TTBK2: variants seen among roughly 807,000 people sequenced by gnomAD.
TTBK2 encodes tau-tubulin kinase 2.
TTBK2 carries 28 observed loss-of-function variants against 110.8 expected under a neutral mutation model. The ratio of observed to expected loss-of-function variants is 0.25; its 90% CI spans 0.19 to 0.35. The LOEUF (loss-of-function observed/expected upper bound fraction) is 0.35, where lower values mean the gene tolerates loss of function less well. Ranked by LOEUF, TTBK2 falls within the 10% of genes least tolerant of loss-of-function variation. The pLI is 1.00. For synonymous variants in TTBK2, 532 were observed against 527.3 expected, an observed-to-expected ratio of 1.01 and a Z score of -0.12; for missense variants, 1,369 against 1,500.3, an observed-to-expected ratio of 0.91 and a Z score of 1.45.
intron 4 of TTBK2, among the ~76,000 whole-genome samples, chr15:42,830,788 G>A (rs1231513234): frequency 6.6e-6 from 1 of 152,008 alleles, no homozygotes; most frequent in South Asian, 2.1e-4. Context: ...GGCGGATCAT[G>A]AGGTCAGGAG....
intron 3 of TTBK2, among the ~76,000 whole-genome samples, chr15:42,851,004 T>C (rs1893685510): frequency 6.6e-6 from 1 of 151,572 alleles, no homozygotes; most frequent in Non-Finnish European, 1.5e-5. Flanking sequence ...GGAGGGTGGA[T>C]CACGAGGTCA....
chr15:42,843,800 T>C (rs1316793492), intron 3 of TTBK2, among the ~76,000 whole-genome samples: 1 of 149,608 alleles, frequency 6.7e-6, no homozygotes, highest in African/African-American at 2.5e-5. Flanking sequence ...AACTTCTCAA[T>C]TGCCCCTACT....
intron 9 of TTBK2, among the ~76,000 whole-genome samples, chr15:42,808,510 TTG>T (rs1317698696): frequency 2.6e-5 from 4 of 151,348 alleles, no homozygotes; most frequent in African/African-American, 9.8e-5. Context: ...AGGAGGTTTA[TTG>T]TTTTTTTTAA....
intron 3 of TTBK2, among the ~76,000 whole-genome samples, chr15:42,843,518 T>C (rs1893317802): frequency 6.6e-6 from 1 of 152,150 alleles, no homozygotes; most frequent in African/African-American, 2.4e-5. Flanking sequence ...CCCAGCACTT[T>C]GGGAGGCTGA....
At chr15:42,804,910 A>G (rs926957659) in intron 9 of TTBK2, among the ~76,000 whole-genome samples, 1 of 152,234 alleles carries the variant, frequency 6.6e-6, no homozygotes, top group African/African-American at 2.4e-5. Flanking sequence ...AGAATAGCAG[A>G]TGCATGAGGG....
chr15:42,889,558 A>G (rs889069295), intron 1 of TTBK2, among the ~76,000 whole-genome samples: 1 of 152,224 alleles, frequency 6.6e-6, no homozygotes, highest in Non-Finnish European at 1.5e-5. Flanking sequence ...AAACTCGCCA[A>G]CCAAGCAAGT....
At chr15:42,840,267 T>C in intron 4 of TTBK2, 93 bp downstream of exon 4, 2 of 1,093,254 alleles carry the variant, frequency 1.8e-6, no homozygotes, top group Non-Finnish European at 2.8e-6. Flanking sequence ...CACATGGTAC[T>C]AAGATTGTTG....
intron 3 of TTBK2, among the ~76,000 whole-genome samples, chr15:42,847,685 A>G (rs1382637061): frequency 6.6e-6 from 1 of 152,116 alleles, no homozygotes; most frequent in Non-Finnish European, 1.5e-5. Context: ...TTTTCCACCA[A>G]ATTGCCTTTG....
chr15:42,795,249 TTTCC>T (rs1390189331), intron 9 of TTBK2, among the ~76,000 whole-genome samples: 10 of 145,072 alleles, frequency 6.9e-5, no homozygotes, highest in African/African-American at 2.5e-4. Context: ...TTCATTGTGC[TTTCC>T]TTCATTTTTT....
intron 2 of TTBK2, among the ~76,000 whole-genome samples, chr15:42,878,030 AAGAG>A (rs927993216): frequency 1.3e-5 from 2 of 151,278 alleles, no homozygotes; most frequent in African/African-American, 4.8e-5. Context: ...AAAAAAAAAA[AAGAG>A]AGAGCAGCTC....
intron 13 of TTBK2, among the ~76,000 whole-genome samples, chr15:42,764,143 G>A (rs1395975797): frequency 6.6e-6 from 1 of 152,192 alleles, no homozygotes; most frequent in Non-Finnish European, 1.5e-5. Flanking sequence ...TCTGTCCCAA[G>A]ATGGCCGAAT....
intron 6 of TTBK2, among the ~76,000 whole-genome samples, chr15:42,827,156 TGTG>T (rs1240027695): frequency 6.6e-6 from 1 of 152,200 alleles, no homozygotes; most frequent in East Asian, 1.9e-4. Flanking sequence ...ACAGTGTAAT[TGTG>T]GTCATACCCA....
chr15:42,776,356 A>G (rs571581311), intron 12 of TTBK2, among the ~76,000 whole-genome samples: 47 of 152,260 alleles, frequency 3.1e-4, no homozygotes, highest in East Asian at 1.3e-3. Context: ...TGAAGTTTCT[A>G]TAATTCATAA....
At chr15:42,835,626 A>G (rs746819426) in intron 4 of TTBK2, among the ~76,000 whole-genome samples, 12 of 151,792 alleles carry the variant, frequency 7.9e-5, no homozygotes, top group African/African-American at 1.2e-4. Context: ...AATAAACCAA[A>G]TGTAAAAAAA....
chr15:42,878,932 T>C (rs1596015100), intron 1 of TTBK2, among the ~76,000 whole-genome samples: 1 of 152,220 alleles, frequency 6.6e-6, no homozygotes, highest in Non-Finnish European at 1.5e-5. Flanking sequence ...TTATTTATAA[T>C]AACTGAGATT....
At chr15:42,894,362 G>GA (rs1293074045) in intron 1 of TTBK2, among the ~76,000 whole-genome samples, 3 of 151,874 alleles carry the variant, frequency 2.0e-5, no homozygotes, top group Non-Finnish European at 4.4e-5. Flanking sequence ...AACATTTAAA[G>GA]AAAAAATGAA....
chr15:42,892,994 G>C (rs1177564593), intron 1 of TTBK2, among the ~76,000 whole-genome samples: 1 of 137,056 alleles, frequency 7.3e-6, no homozygotes, highest in Non-Finnish European at 1.5e-5. Context: ...CTGGGTGACA[G>C]AGCAAGACTC....
intron 3 of TTBK2, among the ~76,000 whole-genome samples, chr15:42,841,384 A>AT (rs1893213975): frequency 6.6e-6 from 1 of 151,632 alleles, no homozygotes; most frequent in South Asian, 2.1e-4. Flanking sequence ...TGATTTTTGT[A>AT]TTTTTTTGTA....
intron 3 of TTBK2, among the ~76,000 whole-genome samples, chr15:42,843,758 CAAAAAAAA>C (rs57403388): frequency 5.9e-4 from 42 of 71,676 alleles, no homozygotes; most frequent in Admixed American, 1.6e-3. Context: ...GACTTGGTCT[CAAAAAAAA>C]AAAAAAAAAA....
Sources: allele counts gnomAD v4.1 joint callset (sites outside exome capture counted in the v4.1 genomes callset), GRCh38; gene constraint gnomAD v4.1.1; transcripts MANE v1.5; gene names NCBI Gene and HGNC (gene_info 2026-07-23, HGNC 2026-07-21).